The following TENM1 variants were observed in gnomAD, a reference collection of about 807,000 sequenced individuals.
The protein encoded by TENM1 is teneurin transmembrane protein 1.
A neutral mutation model predicts 174.8 loss-of-function variants in TENM1; 35 were observed. The observed-to-expected ratio is 0.20, with a 90% CI of 0.15 to 0.27. TENM1 has a LOEUF of 0.27. Among genes scored for constraint, TENM1 ranks in the 10% least tolerant of loss-of-function variants. The pLI is 1.00. For synonymous variants in TENM1, 781 were observed against 798.7 expected (o/e 0.98, Z 0.37); for missense variants, 1,633 against 2,130.1 (o/e 0.77, Z 4.59).
intron 5 of TENM1, among the ~76,000 whole-genome samples, chrX:124,678,084 C>G (rs1198204205): frequency 2.7e-5 from 3 of 111,549 alleles, no homozygotes; most frequent in Non-Finnish European, 1.9e-5. Flanking sequence ...CTGTGCACAT[C>G]TCTTCCCAAT....
At chrX:125,109,015 TTC>T in the TENM1 span, among the ~76,000 whole-genome samples, 9 of 111,266 alleles carry the variant, frequency 8.1e-5, no homozygotes, top group South Asian at 3.4e-3. Flanking sequence ...CATTTGCATC[TTC>T]TGCTCCCCTG....
At chrX:124,747,963 C>A (rs913599828) in intron 3 of TENM1, among the ~76,000 whole-genome samples, 1 of 111,842 alleles carries the variant, frequency 8.9e-6, no homozygotes, top group Non-Finnish European at 1.9e-5. Flanking sequence ...ACATGGTTCC[C>A]TTTTGCTTCC....
the TENM1 span, among the ~76,000 whole-genome samples, chrX:125,014,860 AAC>A: frequency 8.9e-6 from 1 of 111,854 alleles, no homozygotes; most frequent in African/African-American, 3.2e-5. Flanking sequence ...TACAGAAAAT[AAC>A]ACTCTCAATG....
At chrX:125,127,449 G>C in the TENM1 span, among the ~76,000 whole-genome samples, 5 of 111,695 alleles carry the variant, frequency 4.5e-5, no homozygotes, top group African/African-American at 1.6e-4. Context: ...TAGAAGCTTA[G>C]AAGTTCATAT....
At chrX:125,118,798 C>T in the TENM1 span, among the ~76,000 whole-genome samples, 77 of 111,507 alleles carry the variant, frequency 6.9e-4, no homozygotes, top group Admixed American at 7.3e-3. Flanking sequence ...CAAAACAAAC[C>T]CTGTTCTGAG....
At chrX:124,420,943 C>G (rs2060645279) in intron 24 of TENM1, 122 bp from the exon 28 acceptor site, 2 of 636,348 alleles carry the variant, frequency 3.1e-6, no homozygotes, top group South Asian at 6.2e-5. Context: ...AACCAACATT[C>G]TCTGTATTCC....
rs1321910444 is a variant in TENM1 at position 124,737,021 on chromosome X, T to G, written c.712A>C (p.Thr238Pro). Reference sequence around the variant, plus strand: ...TTATGCAGATGGACTGAATCCTGCGTGCTGGTTGGGGGAGCTGGAGCAGCT... The same window carrying G: ...TTATGCAGATGGACTGAATCCTGCGGGCTGGTTGGGGGAGCTGGAGCAGCT... Residue 238 changes from threonine (T) to proline (P), a missense_variant, in exon 4 of 32, where the codon ACG (threonine) becomes CCG (proline). By Grantham distance (38) the Thr-to-Pro change is conservative. This residue lies in a region of TENM1 where 305 missense variants were observed against 309.2 expected (regional missense o/e 0.99). Transcript: ENST00000422452. 1.7e-6 allele frequency: 2 copies of G among 1,209,904 alleles called. No individual in the cohort carries two copies. The highest frequency in any genetic ancestry group is 1.8e-5 in the African/African-American group (1 of 57,103).
intron 3 of TENM1, among the ~76,000 whole-genome samples, chrX:124,875,566 T>G (rs140811596): frequency 2.8e-3 from 310 of 110,538 alleles, no homozygotes; most frequent in African/African-American, 9.5e-3. Context: ...CCTTGTTTTG[T>G]TCTTGTCTCT....
At chrX:125,039,881 T>G in the TENM1 span, among the ~76,000 whole-genome samples, 1 of 111,441 alleles carries the variant, frequency 9.0e-6, no homozygotes, top group African/African-American at 3.3e-5. Context: ...TTAACTGGTA[T>G]AAAATGTACT....
the TENM1 span, among the ~76,000 whole-genome samples, chrX:125,056,000 T>C: frequency 1.8e-5 from 2 of 111,550 alleles, no homozygotes; most frequent in Admixed American, 1.9e-4. Context: ...TACTTTCATG[T>C]CCACACACAG....
At chrX:125,133,110 C>T in the TENM1 span, among the ~76,000 whole-genome samples, 1 of 111,292 alleles carries the variant, frequency 9.0e-6, no homozygotes, top group African/African-American at 3.3e-5. Flanking sequence ...TCTCCTGCCT[C>T]AGCCTCCCGA....
intron 23 of TENM1, among the ~76,000 whole-genome samples, chrX:124,434,310 T>A (rs1286265854): frequency 1.8e-5 from 2 of 111,496 alleles, no homozygotes; most frequent in Non-Finnish European, 3.8e-5. Flanking sequence ...ACCACTCTAT[T>A]ATATAAGGGT....
chrX:125,055,194 G>A, the TENM1 span, among the ~76,000 whole-genome samples: 2 of 111,192 alleles, frequency 1.8e-5, no homozygotes, highest in East Asian at 5.7e-4. Context: ...ACATTATAAA[G>A]TGCACTCAAG....
At chrX:124,729,795 C>T (rs941563043) in intron 4 of TENM1, among the ~76,000 whole-genome samples, 12 of 112,004 alleles carry the variant, frequency 1.1e-4, no homozygotes, top group South Asian at 3.7e-4. Flanking sequence ...AGGTATGTAT[C>T]GTCAAAATGT....
intron 11 of TENM1, among the ~76,000 whole-genome samples, chrX:124,605,436 G>A (rs111899442): frequency 9.2e-6 from 1 of 109,016 alleles, no homozygotes; most frequent in Non-Finnish European, 1.9e-5. Flanking sequence ...GGAGTCAAGG[G>A]GGCAAGAGAA....
chrX:124,417,439 T>C (rs970313284), intron 25 of TENM1, among the ~76,000 whole-genome samples: 1 of 111,154 alleles, frequency 9.0e-6, no homozygotes, highest in Non-Finnish European at 1.9e-5. Context: ...CTTGAACTCC[T>C]GACCTCAGGT....
chrX:124,724,232 G>A (rs757977174), intron 4 of TENM1, among the ~76,000 whole-genome samples: 1 of 111,686 alleles, frequency 9.0e-6, no homozygotes, highest in East Asian at 2.8e-4. Flanking sequence ...TCTATCTGTA[G>A]TTCTCTGCTC....
chrX:124,611,724 A>C (rs188902690), intron 11 of TENM1, among the ~76,000 whole-genome samples: 1 of 112,057 alleles, frequency 8.9e-6, no homozygotes, highest in East Asian at 2.8e-4. Context: ...TACTCACTAG[A>C]CTTTGGTTCT....
At chrX:124,570,156 AC>A (rs2049026005) in intron 11 of TENM1, among the ~76,000 whole-genome samples, 1 of 111,738 alleles carries the variant, frequency 8.9e-6, no homozygotes, top group Non-Finnish European at 1.9e-5. Context: ...TTAATAAACT[AC>A]AAGAAAAAGT....
Sources: gnomAD v4.1 joint callset for allele counts (sites outside exome capture counted in the v4.1 genomes callset) on GRCh38, gnomAD v4.1.1 for gene constraint, gnomAD v4.1.1 regional missense constraint, MANE v1.5 for transcripts, NCBI Gene and HGNC (gene_info 2026-07-23, HGNC 2026-07-21) for gene names.